The following TTC39B variants were observed in gnomAD, a reference collection of about 807,000 sequenced individuals.
TTC39B encodes tetratricopeptide repeat domain 39B, also known as tetratricopeptide repeat protein 39B.
Under a neutral mutation model 96.6 loss-of-function variants are expected in TTC39B, and 92 were observed. That is an observed-to-expected ratio of 0.95 (90% CI 0.80 to 1.13). The LOEUF (loss-of-function observed/expected upper bound fraction) is 1.13, where lower values mean the gene tolerates loss of function less well. Ranked by LOEUF, TTC39B falls within the 50% of genes most tolerant of loss-of-function variation. The pLI, the probability that TTC39B is intolerant of heterozygous loss-of-function variation, is 0.00. For synonymous variants in TTC39B, 367 were observed against 299.4 expected (o/e 1.23, Z -2.33); for missense variants, 955 against 809.3 (o/e 1.18, Z -2.18).
chr9:15,235,042 T>TAAATAAATAAATAAATAAAACA (rs1586933382), intron 2 of TTC39B, among the ~76,000 whole-genome samples: 3 of 150,032 alleles, frequency 2.0e-5, no homozygotes, highest in African/African-American at 7.3e-5. Flanking sequence ...AATAAATAAA[T>TAAATAAATAAATAAATAAAACA]AAAACAAAAA....
intron 2 of TTC39B, among the ~76,000 whole-genome samples, chr9:15,247,507 G>A (rs1030020707): frequency 3.3e-5 from 5 of 152,044 alleles, no homozygotes; most frequent in East Asian, 1.9e-4. Flanking sequence ...TGAACATGGC[G>A]GCCCTATAGG....
intron 1 of TTC39B, among the ~76,000 whole-genome samples, chr9:15,270,622 A>G (rs1275332880): frequency 2.0e-5 from 3 of 152,172 alleles, no homozygotes; most frequent in African/African-American, 7.2e-5. Context: ...AAAGAAAAAA[A>G]AAAAAAAGAA....
At chr9:15,175,633 A>G (rs1817895372) in intron 18 of TTC39B, among the ~76,000 whole-genome samples, 1 of 152,234 alleles carries the variant, frequency 6.6e-6, no homozygotes, top group Non-Finnish European at 1.5e-5. Context: ...GCAATGAAAA[A>G]AAATACAACT....
intron 1 of TTC39B, among the ~76,000 whole-genome samples, chr9:15,289,244 A>G (rs1013836679): frequency 2.0e-5 from 3 of 152,262 alleles, no homozygotes; most frequent in Non-Finnish European, 4.4e-5. Context: ...AATGACTATC[A>G]GTAAATGAAT....
At chr9:15,237,308 C>G (rs1434850449) in intron 2 of TTC39B, among the ~76,000 whole-genome samples, 2 of 151,952 alleles carry the variant, frequency 1.3e-5, no homozygotes, top group Admixed American at 1.3e-4. Flanking sequence ...AAGCAAGACT[C>G]CATCTCAAAA....
chr9:15,306,074 G>T lies in TTC39B; in HGVS notation c.240+1010C>A, dbSNP rs1002176760. 3.3e-5 allele frequency among the ~76,000 whole-genome samples: 5 copies of T among 152,166 alleles called. No homozygotes were observed. Among genetic ancestry groups the T allele is most frequent in the Non-Finnish European group, 7.4e-5 (5 of 68,020 alleles). ...TTGTCAGGAGATTCCTGGCACTAAA[G>T]AGATGGACGGGAAACTTAACCGCCT... On this transcript the variant is annotated intron_variant, in intron 1 of 19. Coordinates refer to ENST00000512701, the Ensembl canonical transcript of TTC39B. The surrounding 1 kb of genome is among the most constrained non-coding windows in gnomAD (Gnocchi z 5.1).
chr9:15,235,916 A>C (rs1320297070), intron 2 of TTC39B, among the ~76,000 whole-genome samples: 1 of 145,520 alleles, frequency 6.9e-6, no homozygotes, highest in Non-Finnish European at 1.5e-5. Context: ...TGAAACTCCA[A>C]AACAACTAGC....
At chr9:15,173,174 G>T (rs1461326758) in intron 19 of TTC39B, among the ~76,000 whole-genome samples, 1 of 151,988 alleles carries the variant, frequency 6.6e-6, no homozygotes, top group Non-Finnish European at 1.5e-5. Context: ...TGAATATTTG[G>T]AACAGCAGCA....
chr9:15,225,189 G>A (rs1313650604), intron 3 of TTC39B, among the ~76,000 whole-genome samples: 2 of 151,890 alleles, frequency 1.3e-5, no homozygotes, highest in Admixed American at 6.6e-5. Flanking sequence ...TAATGGAAGG[G>A]GAAAATATCA....
chr9:15,182,440 T>C (rs1379513088), intron 16 of TTC39B, 25 bp from the exon 17 acceptor site: 2 of 1,544,130 alleles, frequency 1.3e-6, no homozygotes, highest in South Asian at 1.1e-5. Flanking sequence ...TGAAAACCAT[T>C]TGCAGTTATA....
intron 6 of TTC39B, among the ~76,000 whole-genome samples, chr9:15,206,925 A>T (rs906021678): frequency 1.3e-5 from 2 of 151,944 alleles, no homozygotes; most frequent in South Asian, 4.2e-4. Context: ...AACTGGTGGG[A>T]GATGTTTGGA....
At chr9:15,270,336 C>T (rs1292205476) in intron 1 of TTC39B, among the ~76,000 whole-genome samples, 1 of 152,054 alleles carries the variant, frequency 6.6e-6, no homozygotes, top group Admixed American at 6.6e-5. Flanking sequence ...AACGTATTCT[C>T]CAGGAACCCA....
intron 2 of TTC39B, among the ~76,000 whole-genome samples, chr9:15,246,392 G>A (rs1333592647): frequency 6.6e-6 from 1 of 152,154 alleles, no homozygotes. Flanking sequence ...AACTCTTGGG[G>A]TTTTAGTTGA....
At chr9:15,204,560 A>C (rs1819738166) in intron 6 of TTC39B, among the ~76,000 whole-genome samples, 1 of 152,130 alleles carries the variant, frequency 6.6e-6, no homozygotes, top group Non-Finnish European at 1.5e-5. Context: ...ACTTTCACAC[A>C]GTTTTAAAAG....
intron 2 of TTC39B, among the ~76,000 whole-genome samples, chr9:15,258,761 C>A (rs930844824): frequency 2.0e-5 from 3 of 152,140 alleles, no homozygotes; most frequent in African/African-American, 7.2e-5. Context: ...AACACCCCAA[C>A]CACGACTCAG....
intron 1 of TTC39B, among the ~76,000 whole-genome samples, chr9:15,297,208 G>A (rs1824414034): frequency 6.6e-6 from 1 of 152,172 alleles, no homozygotes; most frequent in African/African-American, 2.4e-5. Context: ...CTGAAGGAAT[G>A]AGGGGTGATC....
intron 19 of TTC39B, 137 bp from the exon 20 acceptor site, chr9:15,172,246 C>T: frequency 4.0e-6 from 2 of 502,224 alleles, no homozygotes; most frequent in Non-Finnish European, 6.7e-6. Context: ...TAGTAAAATG[C>T]AGATTCTGGT....
chr9:15,192,956 C>A (rs917895768), intron 8 of TTC39B, among the ~76,000 whole-genome samples: 14 of 152,180 alleles, frequency 9.2e-5, no homozygotes, highest in African/African-American at 3.4e-4. Flanking sequence ...CATTGGCAAG[C>A]ACCAGCCAGG....
chr9:15,201,020 A>T (rs535447830), intron 7 of TTC39B, among the ~76,000 whole-genome samples: 1 of 152,286 alleles, frequency 6.6e-6, no homozygotes, highest in African/African-American at 2.4e-5. Flanking sequence ...AAAAAGAAGA[A>T]AAAAGAAAGA....
Sources: allele counts gnomAD v4.1 joint callset (sites outside exome capture counted in the v4.1 genomes callset), GRCh38; gene constraint gnomAD v4.1.1; non-coding constraint Gnocchi (gnomAD v3.1); transcripts MANE v1.5; gene names NCBI Gene and HGNC (gene_info 2026-07-23, HGNC 2026-07-21).